GRB10: variants seen among roughly 807,000 people sequenced by gnomAD.
The protein encoded by GRB10 is growth factor receptor bound protein 10, also known as growth factor receptor-bound protein 10.
Under a neutral mutation model 80.9 loss-of-function variants are expected in GRB10, and 20 were observed. That is an observed-to-expected ratio of 0.25 (90% CI 0.17 to 0.36). The LOEUF is 0.36. Ranked by LOEUF, GRB10 falls within the 10% of genes least tolerant of loss-of-function variation. The pLI, the probability that GRB10 is intolerant of heterozygous loss-of-function variation, is 1.00. For missense variants in GRB10, 548 were observed against 747.7 expected (o/e 0.73, Z 3.12); for synonymous variants, 291 against 291.5 (o/e 1.00, Z 0.02).
At chr7:50,715,750 C>T (rs2066752268) in intron 4 of GRB10, among the ~76,000 whole-genome samples, 1 of 152,200 alleles carries the variant, frequency 6.6e-6, no homozygotes, top group Non-Finnish European at 1.5e-5. Flanking sequence ...AAAATAATAT[C>T]ATGGGTGACT....
intron 7 of GRB10, among the ~76,000 whole-genome samples, chr7:50,662,798 C>T (rs1452912073): frequency 6.6e-6 from 1 of 152,210 alleles, no homozygotes; most frequent in Non-Finnish European, 1.5e-5. Flanking sequence ...CTGATAGAAT[C>T]TCTTAGAACC....
At position 50,780,698 on chromosome 7, in the gene GRB10, T is replaced by A. The variant is rs1398499801; in HGVS notation, c.-288A>T. ...AAAAACCCTGGTCTCTCCTATACAT[T>A]CTTCCTCCTGAGAATTATCAGAATG... On this transcript the variant is annotated 5_prime_UTR_variant, in exon 2 of 19. Coordinates refer to ENST00000401949, the MANE Select transcript of GRB10 (RefSeq NM_001350814.2). 1.3e-5 allele frequency: 2 copies of A among 152,148 alleles called. No homozygotes were observed. The highest frequency in any genetic ancestry group is 4.8e-5 in the African/African-American group (2 of 41,428). 9.4% of individuals were successfully genotyped at this position (152,148 alleles called of 1,614,324 possible). A position where few individuals can be genotyped will look rare whatever the true frequency, so the allele number is the denominator to read the frequency against.
chr7:50,766,150 T>C (rs746563544), intron 2 of GRB10, among the ~76,000 whole-genome samples: 1 of 152,212 alleles, frequency 6.6e-6, no homozygotes, highest in Non-Finnish European at 1.5e-5. Flanking sequence ...TAAGAAAGAA[T>C]GTTTTCATCC....
rs770607593 is a variant in GRB10, at chr7:50,604,089, TG to T, written c.1457-5del. On this transcript the variant is annotated splice_polypyrimidine_tract_variant and splice_region_variant and intron_variant, in intron 16 of 18. Transcript: ENST00000401949. ...CAGTGCTGTGTCCTGTGAATCACTG[TG>T]GGGGGAAGACAGGAGGAGGGTAGGA... 16 of 1,611,372 alleles carry T rather than the reference TG, an allele frequency of 9.9e-6. No homozygotes were observed. Among genetic ancestry groups the T allele is most frequent in the African/African-American group, 1.3e-5 (1 of 74,844 alleles).
At chr7:50,716,123 G>C (rs778823134) in intron 4 of GRB10, among the ~76,000 whole-genome samples, 35 of 152,182 alleles carry the variant, frequency 2.3e-4, no homozygotes, top group Non-Finnish European at 4.1e-4. Context: ...ACCAAGACTG[G>C]GAAGAACCAC....
chr7:50,707,277 A>T (rs1382583209), intron 4 of GRB10, among the ~76,000 whole-genome samples: 1 of 152,194 alleles, frequency 6.6e-6, no homozygotes, highest in African/African-American at 2.4e-5. Context: ...CCTTCCCCCC[A>T]AAAGTAGTTG....
intron 7 of GRB10, 132 bp from the exon 8 acceptor site, chr7:50,627,110 G>A (rs1013746731): frequency 1.0e-5 from 9 of 900,096 alleles, no homozygotes; most frequent in Non-Finnish European, 1.6e-5. Context: ...TTTCCAGGCA[G>A]CCAACAGGTC....
At chr7:50,622,346 C>T (rs2051930428) in intron 8 of GRB10, among the ~76,000 whole-genome samples, 1 of 152,222 alleles carries the variant, frequency 6.6e-6, no homozygotes, top group Non-Finnish European at 1.5e-5. Context: ...TCTCCCTCCA[C>T]ACCTTTCTGC....
chr7:50,599,160 G>A lies in GRB10; in HGVS notation c.1545-3630C>T, dbSNP rs374797126. Among the ~76,000 whole-genome samples the A allele has an allele frequency of 7.9e-5, 12 of 152,166 alleles. No homozygotes were observed. The East Asian group carries it at 1.2e-3, about 15-fold the overall frequency. On this transcript the variant is annotated intron_variant, in intron 17 of 18. Transcript: ENST00000401949. ...AAAGCACGAGTATGTGCGCGCACACGCTCAGCTGCATGGGTGGGGACGGGG... is the reference window on the plus strand; with the variant it reads ...AAAGCACGAGTATGTGCGCGCACACACTCAGCTGCATGGGTGGGGACGGGG...
intron 12 of GRB10, 141 bp downstream of exon 12, chr7:50,614,629 T>C: frequency 1.3e-6 from 1 of 744,782 alleles, no homozygotes; most frequent in Admixed American, 1.8e-5. Context: ...TAAATGTTTT[T>C]ACAGGAATGG....
At chr7:50,765,721 C>A (rs1004361686) in intron 2 of GRB10, among the ~76,000 whole-genome samples, 1 of 148,814 alleles carries the variant, frequency 6.7e-6, no homozygotes, top group African/African-American at 2.4e-5. Flanking sequence ...TAATACTAGG[C>A]CTTATTTCTG....
chr7:50,653,460 G>T (rs1026563098), intron 7 of GRB10, among the ~76,000 whole-genome samples: 1 of 152,214 alleles, frequency 6.6e-6, no homozygotes, highest in Non-Finnish European at 1.5e-5. Context: ...GAGAGTGGGG[G>T]ACTCAGGAAG....
chr7:50,619,788 C>T (rs1181238876), intron 8 of GRB10, among the ~76,000 whole-genome samples: 1 of 152,178 alleles, frequency 6.6e-6, no homozygotes, highest in Non-Finnish European at 1.5e-5. Flanking sequence ...CCGTGATGCA[C>T]AGCAAGACTG....
At chr7:50,606,705 A>G (rs886752066) in intron 13 of GRB10, 13 of 431,560 alleles carry the variant, frequency 3.0e-5, no homozygotes, top group African/African-American at 2.6e-4. Context: ...TAATTAACAT[A>G]TATTTCGTAT....
chr7:50,607,764 A>G (rs1490939002), intron 13 of GRB10, among the ~76,000 whole-genome samples: 1 of 152,200 alleles, frequency 6.6e-6, no homozygotes, highest in African/African-American at 2.4e-5. Context: ...CTGGCTCAGT[A>G]GTCTGCACTT....
intron 5 of GRB10, among the ~76,000 whole-genome samples, chr7:50,676,145 G>A (rs1359241575): frequency 2.0e-5 from 3 of 152,082 alleles, no homozygotes; most frequent in Non-Finnish European, 4.4e-5. Context: ...AACACACAGG[G>A]TCACAGACAG....
intron 8 of GRB10, among the ~76,000 whole-genome samples, chr7:50,621,675 A>T (rs1345766999): frequency 1.3e-5 from 2 of 152,220 alleles, no homozygotes; most frequent in Admixed American, 6.5e-5. Context: ...ACCTTGCATG[A>T]TTATAAACAA....
chr7:50,692,656 A>AG (rs2062963572), intron 5 of GRB10, among the ~76,000 whole-genome samples: 1 of 152,196 alleles, frequency 6.6e-6, no homozygotes, highest in South Asian at 2.1e-4. Flanking sequence ...ATATCTATGA[A>AG]GTATGACTTC....
intron 7 of GRB10, among the ~76,000 whole-genome samples, chr7:50,642,304 A>G (rs2056399716): frequency 6.7e-6 from 1 of 149,146 alleles, no homozygotes; most frequent in African/African-American, 2.6e-5. Flanking sequence ...ACACGCATGC[A>G]CACACACACA....
Sources: gnomAD v4.1 joint callset for allele counts (sites outside exome capture counted in the v4.1 genomes callset) on GRCh38, gnomAD v4.1.1 for gene constraint, MANE v1.5 for transcripts, NCBI Gene and HGNC (gene_info 2026-07-23, HGNC 2026-07-21) for gene names.